HPSE2: variants seen among roughly 807,000 people sequenced by gnomAD.
HPSE2 encodes the protein heparanase 2 (inactive), also known as inactive heparanase-2.
In HPSE2, 38 loss-of-function variants were observed where a neutral mutation model predicts 60.5. That is an observed-to-expected ratio of 0.63 (90% CI 0.48 to 0.82). The LOEUF (loss-of-function observed/expected upper bound fraction) is 0.82. HPSE2 is among the 40% of genes least tolerant of loss of function. The pLI is 0.00. For missense variants in HPSE2, 713 were observed against 740.4 expected (o/e 0.96, Z 0.43); for synonymous variants, 295 against 293.2 (o/e 1.01, Z -0.06).
rs543173310 is a variant in HPSE2, at chr10:98,723,789, G to C, written c.785-1961C>G. ...AGTATTCTCTGATGATAGTTTGTAT[G>C]TCTGTGGGATCGGTGGTGATATCCC... On this transcript the variant is annotated intron_variant, in intron 4 of 11. Transcript: ENST00000370552. 1.4e-4 allele frequency among the ~76,000 whole-genome samples: 21 copies of C among 152,204 alleles called. No homozygotes were observed. The South Asian group carries it at 4.4e-3, about 32-fold the overall frequency.
intron 3 of HPSE2, among the ~76,000 whole-genome samples, chr10:98,792,703 G>T (rs1589832297): frequency 6.6e-6 from 1 of 151,460 alleles, no homozygotes; most frequent in Admixed American, 6.6e-5. Context: ...TCAGAGTGGT[G>T]GTTGTTTCTC....
At chr10:98,915,090 T>G (rs1590068946) in intron 3 of HPSE2, among the ~76,000 whole-genome samples, 1 of 152,058 alleles carries the variant, frequency 6.6e-6, no homozygotes, top group South Asian at 2.1e-4. Flanking sequence ...TTCTATATAC[T>G]TATATAACCT....
chr10:98,939,939 C>G (rs1391377425), intron 3 of HPSE2, among the ~76,000 whole-genome samples: 2 of 143,440 alleles, frequency 1.4e-5, no homozygotes, highest in South Asian at 2.1e-4. Flanking sequence ...CACTCAAAAC[C>G]GCTCAACTAC....
chr10:99,091,083 T>C (rs1329484322), intron 3 of HPSE2, among the ~76,000 whole-genome samples: 1 of 152,170 alleles, frequency 6.6e-6, no homozygotes, highest in Non-Finnish European at 1.5e-5. Context: ...AAAAGAGCCA[T>C]ATCTTCTTTT....
At chr10:99,041,838 A>G (rs1057190477) in intron 3 of HPSE2, among the ~76,000 whole-genome samples, 1 of 152,108 alleles carries the variant, frequency 6.6e-6, no homozygotes, top group Admixed American at 6.5e-5. Context: ...TTGCCTCTAT[A>G]GTCCCTGCTA....
At chr10:99,211,912 C>T (rs1589826883) in intron 2 of HPSE2, among the ~76,000 whole-genome samples, 1 of 152,150 alleles carries the variant, frequency 6.6e-6, no homozygotes, top group East Asian at 1.9e-4. Flanking sequence ...AGGGAAGAGA[C>T]AACCTAAAAA....
intron 3 of HPSE2, among the ~76,000 whole-genome samples, chr10:98,882,319 T>C (rs1953045364): frequency 6.6e-6 from 1 of 152,110 alleles, no homozygotes; most frequent in South Asian, 2.1e-4. Context: ...GAGTTTGCTA[T>C]GCAGCACTAT....
At chr10:98,926,603 A>G (rs935464742) in intron 3 of HPSE2, among the ~76,000 whole-genome samples, 2 of 151,860 alleles carry the variant, frequency 1.3e-5, no homozygotes, top group South Asian at 2.1e-4. Flanking sequence ...CCTTCTAATC[A>G]CTCTCTCTCC....
chr10:99,152,147 T>C (rs977921643), intron 2 of HPSE2, among the ~76,000 whole-genome samples: 3 of 151,762 alleles, frequency 2.0e-5, no homozygotes, highest in African/African-American at 7.3e-5. Flanking sequence ...CCGTCTCTAC[T>C]AAAAATACAA....
chr10:98,657,400 C>T (rs1025467529), intron 6 of HPSE2, among the ~76,000 whole-genome samples: 4 of 151,020 alleles, frequency 2.6e-5, no homozygotes, highest in Non-Finnish European at 5.9e-5. Context: ...GGTGTGATCT[C>T]GGCTCACTGC....
the HPSE2 span, among the ~76,000 whole-genome samples, chr10:99,251,575 C>T: frequency 6.6e-6 from 1 of 152,078 alleles, no homozygotes; most frequent in Non-Finnish European, 1.5e-5. Flanking sequence ...AACATAGATG[C>T]AAAAATCCTC....
intron 2 of HPSE2, among the ~76,000 whole-genome samples, chr10:99,152,347 GC>G (rs1846305050): frequency 1.3e-5 from 2 of 150,638 alleles, no homozygotes; most frequent in Admixed American, 1.3e-4. Context: ...AGAATTTGTT[GC>G]TAGCAGACCT....
the HPSE2 span, among the ~76,000 whole-genome samples, chr10:99,290,033 G>T: frequency 6.6e-6 from 1 of 152,096 alleles, no homozygotes; most frequent in African/African-American, 2.4e-5. Context: ...GTAAGCAGGG[G>T]TTGGGCCAAG....
intron 6 of HPSE2, among the ~76,000 whole-genome samples, chr10:98,686,667 G>A (rs1947924658): frequency 6.6e-6 from 1 of 152,144 alleles, no homozygotes; most frequent in Admixed American, 6.5e-5. Context: ...AGCCTCCCAA[G>A]TAGCTGGGAT....
chr10:98,580,863 T>TGTGTGTGTGTGTGTGTGTGTGTGTGA (rs758991622), intron 9 of HPSE2, among the ~76,000 whole-genome samples: 2 of 142,600 alleles, frequency 1.4e-5, no homozygotes, highest in African/African-American at 5.3e-5. Context: ...TGTGTGTGTG[T>TGTGTGTGTGTGTGTGTGTGTGTGTGA]GATAAACATG....
At chr10:98,474,554 T>C (rs1340476536) in intron 11 of HPSE2, among the ~76,000 whole-genome samples, 4 of 152,190 alleles carry the variant, frequency 2.6e-5, no homozygotes, top group Non-Finnish European at 5.9e-5. Context: ...TAGATGCCAA[T>C]GTTTTTCTTT....
intron 3 of HPSE2, among the ~76,000 whole-genome samples, chr10:98,983,027 T>A (rs761518334): frequency 1.3e-5 from 2 of 152,158 alleles, no homozygotes; most frequent in Non-Finnish European, 2.9e-5. Flanking sequence ...ATAATCAATA[T>A]TTACTGGCTA....
chr10:99,146,393 G>C (rs2094379754), intron 2 of HPSE2, among the ~76,000 whole-genome samples: 2 of 152,166 alleles, frequency 1.3e-5, no homozygotes, highest in Admixed American at 1.3e-4. Context: ...TCTGGAAAAT[G>C]AGCTGCAGGC....
intron 3 of HPSE2, among the ~76,000 whole-genome samples, chr10:98,798,598 TAG>T (rs1950834397): frequency 2.0e-5 from 3 of 152,174 alleles, no homozygotes; most frequent in Non-Finnish European, 4.4e-5. Flanking sequence ...AGTTAAAGTA[TAG>T]AGTTTTAATT....
Sources: gnomAD v4.1 joint callset for allele counts (sites outside exome capture counted in the v4.1 genomes callset) on GRCh38, gnomAD v4.1.1 for gene constraint, MANE v1.5 for transcripts, NCBI Gene and HGNC (gene_info 2026-07-23, HGNC 2026-07-21) for gene names.